The following ORC3 variants were observed in gnomAD, a reference collection of about 807,000 sequenced individuals.
ORC3 encodes the protein origin recognition complex subunit 3.
Under a neutral mutation model 100.7 loss-of-function variants are expected in ORC3, and 78 were observed. The ratio of observed to expected loss-of-function variants is 0.77; its 90% CI spans 0.65 to 0.94. The LOEUF is 0.94. ORC3 is among the 40% of genes least tolerant of loss of function. The probability of loss-of-function intolerance (pLI) is 0.00; values close to 1 mark genes in which losing one functional copy is unlikely to be tolerated. For missense variants in ORC3, 789 were observed against 823.9 expected (o/e 0.96, Z 0.52); for synonymous variants, 295 against 289.3 (o/e 1.02, Z -0.20).
intron 14 of ORC3, among the ~76,000 whole-genome samples, chr6:87,656,050 TGAA>T (rs891481283): frequency 1.3e-5 from 2 of 152,140 alleles, no homozygotes; most frequent in Admixed American, 1.3e-4. Context: ...AACCTGCACT[TGAA>T]GAAGAATATG....
chr6:87,677,664 C>G, the ORC3 span, among the ~76,000 whole-genome samples: 1 of 152,164 alleles, frequency 6.6e-6, no homozygotes, highest in Non-Finnish European at 1.5e-5. Context: ...CGGGCATGAG[C>G]TATAAGAAGG....
the ORC3 span, among the ~76,000 whole-genome samples, chr6:87,672,540 T>C: frequency 6.6e-6 from 1 of 152,210 alleles, no homozygotes; most frequent in Non-Finnish European, 1.5e-5. Context: ...TTTTGTAGAA[T>C]ATTCATTTAA....
downstream of ORC3, among the ~76,000 whole-genome samples, chr6:87,667,724 C>T (rs1038376933): frequency 3.9e-5 from 6 of 151,948 alleles, no homozygotes; most frequent in Non-Finnish European, 7.4e-5. Flanking sequence ...GGCAGGAGAT[C>T]GAGACCATCC....
intron 6 of ORC3, among the ~76,000 whole-genome samples, chr6:87,608,504 A>G (rs1043679918): frequency 6.6e-6 from 1 of 152,202 alleles, no homozygotes; most frequent in Non-Finnish European, 1.5e-5. Context: ...TGCTGAAATC[A>G]TCGTAAGTGA....
rs1043821082 is a variant in ORC3 at position 87,601,720 on chromosome 6, G to A, written c.80-64G>A. The A allele has an allele frequency of 1.8e-4, 169 of 951,824 alleles. 1 individual carries two copies. Among genetic ancestry groups the A allele is most frequent in the Non-Finnish European group, 2.5e-4 (156 of 611,852 alleles). 59.0% of individuals were successfully genotyped at this position (951,824 alleles called of 1,614,324 possible). A position where few individuals can be genotyped will look rare whatever the true frequency, so the allele number is the denominator to read the frequency against. ...TGTCACTTACTGTGTAACTTTGCAC[G>A]TAAGATCTATAACTTATACTATTAT... On this transcript the variant is annotated intron_variant, in intron 2 of 19. Coordinates refer to ENST00000392844, the MANE Select transcript of ORC3 (RefSeq NM_012381.4).
At chr6:87,675,332 T>C in the ORC3 span, 1 of 514,976 alleles carries the variant, frequency 1.9e-6, no homozygotes, top group Non-Finnish European at 3.5e-6. Flanking sequence ...TTTCAAACAT[T>C]AATATAAGAA....
chr6:87,636,134 G>A lies in ORC3; in HGVS notation c.1303-273G>A, dbSNP rs58228081. Among the ~76,000 whole-genome samples the A allele has an allele frequency of 6.2e-3, 947 of 151,772 alleles. 9 individuals carry two copies. Among genetic ancestry groups the A allele is most frequent in the African/African-American group, 0.021 (858 of 41,428 alleles). ...TTTTTATTAGAGACGGGGTTTCACCGTGTTAACCAGGATGGTCTCGATCTT... is the reference window on the plus strand; with the variant it reads ...TTTTTATTAGAGACGGGGTTTCACCATGTTAACCAGGATGGTCTCGATCTT... On this transcript the variant is annotated intron_variant, in intron 12 of 19. Transcript: ENST00000392844.
At chr6:87,642,681 T>A (rs1406156720) in intron 13 of ORC3, among the ~76,000 whole-genome samples, 1 of 150,834 alleles carries the variant, frequency 6.6e-6, no homozygotes, top group Non-Finnish European at 1.5e-5. Flanking sequence ...GGCGGATGGA[T>A]CACGAGGTCA....
In ORC3 at chr6:87,608,986, AAC is replaced by A. The variant is rs1457174168; in HGVS notation, c.580-108_580-107del. The A allele has an allele frequency of 4.9e-6, 4 of 819,120 alleles. No individual in the cohort carries two copies. The African/African-American group carries it at 5.3e-5, about 11-fold the overall frequency. The allele number at this position is 819,120 out of a possible 1,614,324, so 50.7% of individuals were successfully genotyped here. A position where few individuals can be genotyped will look rare whatever the true frequency, so the allele number is the denominator to read the frequency against. ...TTTATCGTGTGGTAGAAAAAAAATA[AAC>A]AGTGTTATTGTGAAATTTAAAGAGA... On this transcript the variant is annotated intron_variant, in intron 6 of 19. Transcript: ENST00000392844.
chr6:87,597,678 T>TACACACAC (rs1245994243), intron 2 of ORC3, among the ~76,000 whole-genome samples: 9 of 136,666 alleles, frequency 6.6e-5, no homozygotes, highest in African/African-American at 2.7e-4. Flanking sequence ...GATATATATA[T>TACACACAC]ATACACACAC....
chr6:87,662,699 G>C (rs868793337), intron 16 of ORC3, among the ~76,000 whole-genome samples: 36 of 152,226 alleles, frequency 2.4e-4, no homozygotes, highest in South Asian at 8.3e-4. Flanking sequence ...GTTTAACTCA[G>C]AACTGAAATA....
chr6:87,642,971 A>T (rs922513657), intron 13 of ORC3, among the ~76,000 whole-genome samples: 2 of 151,904 alleles, frequency 1.3e-5, no homozygotes, highest in Non-Finnish European at 2.9e-5. Context: ...AAATAATATA[A>T]TTTCTTTATT....
At chr6:87,651,258 C>CCTT (rs1368089586) in intron 13 of ORC3, 1 of 456,178 alleles carries the variant, frequency 2.2e-6, no homozygotes, top group African/African-American at 2.0e-5. Flanking sequence ...GGAAGCTAAT[C>CCTT]CTTCACATGC....
intron 1 of ORC3, among the ~76,000 whole-genome samples, chr6:87,592,642 A>G (rs956443513): frequency 1.3e-5 from 2 of 152,190 alleles, no homozygotes; most frequent in African/African-American, 4.8e-5. Context: ...AATAGCAGAA[A>G]AAAGAATCTA....
rs1300814233 is a variant in ORC3 at position 87,603,419 on chromosome 6, C to T, written c.213C>T (p.Asp71=). 7.9e-6 allele frequency: 12 copies of T among 1,526,002 alleles called. No individual in the cohort carries two copies. The East Asian group carries it at 2.7e-4, about 35-fold the overall frequency. The allele number at this position is 1,526,002 out of a possible 1,614,324, so 94.5% of individuals were successfully genotyped here. A position where few individuals can be genotyped will look rare whatever the true frequency, so the allele number is the denominator to read the frequency against. ...LQEELNKNLF[D]NLIEFLQKSH... Reference sequence around the variant, plus strand: ...AGGAATTAAATAAAAACTTGTTTGACAATCTGATTGAATTTCTGCAAAAAT... The same window carrying T: ...AGGAATTAAATAAAAACTTGTTTGATAATCTGATTGAATTTCTGCAAAAAT... The change falls in exon 4 of 20, where the codon GAC becomes GAT. Residue 71 remains aspartate, a synonymous_variant. Coordinates refer to ENST00000392844, the MANE Select transcript of ORC3 (RefSeq NM_012381.4).
chr6:87,593,706 A>AT, intron 1 of ORC3, among the ~76,000 whole-genome samples: 1 of 152,038 alleles, frequency 6.6e-6, no homozygotes, highest in Non-Finnish European at 1.5e-5. Context: ...TTATTTATTT[A>AT]TTTTTTGAGA....
chr6:87,651,018 CA>C (rs1415270588), intron 13 of ORC3: 14 of 364,716 alleles, frequency 3.8e-5, no homozygotes, highest in Non-Finnish European at 7.6e-5. Context: ...AAAGAAAAAA[CA>C]AAAAAAGAAT....
chr6:87,627,974 G>A (rs755802657), intron 11 of ORC3, among the ~76,000 whole-genome samples: 4 of 152,298 alleles, frequency 2.6e-5, no homozygotes, highest in African/African-American at 4.8e-5. Flanking sequence ...GAATCAAGAC[G>A]TTAACAAAAA....
chr6:87,655,573 G>A lies in ORC3; in HGVS notation c.1517-1333G>A, dbSNP rs374659406. 1.1e-3 allele frequency among the ~76,000 whole-genome samples: 167 copies of A among 151,748 alleles called. 1 individual carries two copies. In the East Asian group the frequency reaches 0.013, roughly 11 times the overall value. The stretch of plus-strand genomic sequence containing the variant: ...TTTCCATGTTGCTCAGGCTGGTCTC[G>A]AACTCTTGGGTTCAAGCAATCTGCC... On this transcript the variant is annotated intron_variant, in intron 14 of 19. Coordinates refer to ENST00000392844, the MANE Select transcript of ORC3 (RefSeq NM_012381.4).
Sources: gnomAD v4.1 joint callset for allele counts (sites outside exome capture counted in the v4.1 genomes callset) on GRCh38, gnomAD v4.1.1 for gene constraint, MANE v1.5 for transcripts, NCBI Gene and HGNC (gene_info 2026-07-23, HGNC 2026-07-21) for gene names.